TNKS: variants seen among roughly 807,000 people sequenced by gnomAD.
The protein encoded by TNKS is poly [ADP-ribose] polymerase tankyrase-1.
A neutral mutation model predicts 135.8 loss-of-function variants in TNKS; 72 were observed. The observed-to-expected ratio is 0.53, with a 90% CI of 0.44 to 0.64. The LOEUF (loss-of-function observed/expected upper bound fraction) is 0.64. Among genes scored for constraint, TNKS ranks in the 30% least tolerant of loss-of-function variants. The pLI, the probability that TNKS is intolerant of heterozygous loss-of-function variation, is 0.00. For synonymous variants in TNKS, 849 were observed against 649.3 expected (o/e 1.31, Z -4.68); for missense variants, 1,769 against 1,674.0 (o/e 1.06, Z -0.99).
In TNKS at chr8:9,778,340, ATGGG is replaced by A. The variant is rs1808319213; in HGVS notation, c.*1606_*1609del. 6.6e-6 allele frequency: 1 copy of A among 152,388 alleles called. No homozygotes were observed. The highest frequency in any genetic ancestry group is 1.5e-5 in the Non-Finnish European group (1 of 68,030). 9.4% of individuals were successfully genotyped at this position (152,388 alleles called of 1,614,324 possible). A position where few individuals can be genotyped will look rare whatever the true frequency, so the allele number is the denominator to read the frequency against. On this transcript the variant is annotated 3_prime_UTR_variant, in exon 27 of 27. Coordinates refer to ENST00000310430, the MANE Select transcript of TNKS (RefSeq NM_003747.3). ...ATTGCAATTCAAAGCCCTGAAAACG[ATGGG>A]TTTAATGCAAGGTGATTAAGCTGTG...
chr8:9,569,049 A>C (rs970817711), intron 1 of TNKS, among the ~76,000 whole-genome samples: 37 of 152,194 alleles, frequency 2.4e-4, no homozygotes, highest in African/African-American at 8.7e-4. Flanking sequence ...CATAATTGTT[A>C]ATATTGCCAC....
intron 2 of TNKS, among the ~76,000 whole-genome samples, chr8:9,612,864 A>T (rs1369012417): frequency 1.3e-5 from 2 of 152,198 alleles, no homozygotes; most frequent in Non-Finnish European, 2.9e-5. Flanking sequence ...TTTGTATGTT[A>T]TATGTATTAT....
At chr8:9,579,508 G>A (rs748260089) in intron 1 of TNKS, among the ~76,000 whole-genome samples, 2 of 151,908 alleles carry the variant, frequency 1.3e-5, no homozygotes, top group Non-Finnish European at 2.9e-5. Context: ...TCGCACTATT[G>A]CCCAGGCTGG....
chr8:9,594,120 C>A (rs888812241), intron 2 of TNKS, among the ~76,000 whole-genome samples: 1 of 152,168 alleles, frequency 6.6e-6, no homozygotes, highest in Non-Finnish European at 1.5e-5. Flanking sequence ...CTCCTGACCT[C>A]AGGCGGTCCA....
rs983598138 is a variant in TNKS at position 9,717,832 on chromosome 8, C to T, written c.1750-2542C>T. ...ATTGATTTATATTCAGAGGAATAAA[C>T]AGTTATTTCTGTTGGTGGTGGCAGC... On this transcript the variant is annotated intron_variant, in intron 11 of 26. Coordinates refer to ENST00000310430, the MANE Select transcript of TNKS (RefSeq NM_003747.3). Among the ~76,000 whole-genome samples the T allele has an allele frequency of 2.6e-5, 4 of 152,048 alleles. No homozygotes were observed. The East Asian group carries it at 7.7e-4, about 29-fold the overall frequency.
At chr8:9,663,182 C>G (rs1253955161) in intron 3 of TNKS, among the ~76,000 whole-genome samples, 2 of 152,182 alleles carry the variant, frequency 1.3e-5, no homozygotes, top group South Asian at 2.1e-4. Flanking sequence ...CCCTGCTCAT[C>G]CATTTTAGAC....
At chr8:9,732,436 C>A (rs978859536) in intron 14 of TNKS, among the ~76,000 whole-genome samples, 1 of 152,104 alleles carries the variant, frequency 6.6e-6, no homozygotes, top group African/African-American at 2.4e-5. Context: ...CGATTTAGGC[C>A]TCATCGAACC....
At chr8:9,655,011 G>C (rs1801297235) in intron 3 of TNKS, among the ~76,000 whole-genome samples, 1 of 152,224 alleles carries the variant, frequency 6.6e-6, no homozygotes, top group African/African-American at 2.4e-5. Flanking sequence ...AGAAAGGGGT[G>C]ACAGACGGCA....
At chr8:9,675,188 T>A (rs1220558781) in intron 3 of TNKS, among the ~76,000 whole-genome samples, 2 of 152,184 alleles carry the variant, frequency 1.3e-5, no homozygotes, top group African/African-American at 4.8e-5. Context: ...ACATAGCTGG[T>A]TTTTAATTTT....
At chr8:9,674,086 G>GT (rs929533701) in intron 3 of TNKS, among the ~76,000 whole-genome samples, 3 of 152,126 alleles carry the variant, frequency 2.0e-5, no homozygotes, top group Admixed American at 6.5e-5. Flanking sequence ...TTAGTAGAGT[G>GT]TTTTTTCTCA....
intron 3 of TNKS, among the ~76,000 whole-genome samples, chr8:9,660,162 G>A (rs1212319569): frequency 6.6e-6 from 1 of 152,170 alleles, no homozygotes; most frequent in Non-Finnish European, 1.5e-5. Context: ...AGAGGTACAA[G>A]GAGGAGCTGG....
chr8:9,716,975 C>G (rs1251298519), intron 11 of TNKS, among the ~76,000 whole-genome samples: 2 of 149,890 alleles, frequency 1.3e-5, no homozygotes, highest in Admixed American at 6.7e-5. Flanking sequence ...TTGGCACCCT[C>G]TAGTCTATAA....
chr8:9,720,224 A>G, intron 11 of TNKS, 150 bp from the exon 12 acceptor site: 1 of 676,516 alleles, frequency 1.5e-6, no homozygotes, highest in Non-Finnish European at 2.3e-6. Flanking sequence ...GTTCTTCAGA[A>G]TCAGTGAGCA....
At chr8:9,704,830 C>A in intron 6 of TNKS, 73 bp downstream of exon 6, 1 of 1,187,558 alleles carries the variant, frequency 8.4e-7, no homozygotes, top group Non-Finnish European at 1.2e-6. Flanking sequence ...AAACACTAGA[C>A]AAAGTCATAT....
At chr8:9,655,479 G>C (rs1232329915) in intron 3 of TNKS, among the ~76,000 whole-genome samples, 1 of 152,282 alleles carries the variant, frequency 6.6e-6, no homozygotes, top group South Asian at 2.1e-4. Context: ...TAGCCTAACT[G>C]GGAGGCACCC....
At position 9,761,625 on chromosome 8, in the gene TNKS, G is replaced by A. The variant is rs753415514; in HGVS notation, c.3263G>A (p.Gly1088Asp). ...ATCAAAGGAGTAGAAAGACTCTTAGGTGGACAACAAGGTAAGCTATTCAGA... is the reference window on the plus strand; with the variant it reads ...ATCAAAGGAGTAGAAAGACTCTTAGATGGACAACAAGGTAAGCTATTCAGA... ...KLIKGVERLL[G>D]GQQGTNPYLT... Residue 1088 changes from glycine to aspartate, a missense_variant, in exon 21 of 27, where the codon GGT becomes GAT. Coordinates refer to ENST00000310430, the MANE Select transcript of TNKS (RefSeq NM_003747.3). 1.3e-5 allele frequency: 20 copies of A among 1,592,024 alleles called. No homozygotes were observed. The highest frequency in any genetic ancestry group is 1.6e-5 in the Non-Finnish European group (19 of 1,174,566).
At chr8:9,574,613 C>T (rs551422393) in intron 1 of TNKS, among the ~76,000 whole-genome samples, 1 of 152,302 alleles carries the variant, frequency 6.6e-6, no homozygotes, top group Non-Finnish European at 1.5e-5. Flanking sequence ...AATCTTCTTA[C>T]CCTTGACTTA....
chr8:9,605,252 A>G (rs1217829860), intron 2 of TNKS, among the ~76,000 whole-genome samples: 2 of 152,094 alleles, frequency 1.3e-5, no homozygotes, highest in South Asian at 2.1e-4. Flanking sequence ...CCCTTCTAGA[A>G]ATATGTTCTT....
chr8:9,683,906 A>G (rs1274169603), intron 5 of TNKS, among the ~76,000 whole-genome samples: 1 of 151,984 alleles, frequency 6.6e-6, no homozygotes, highest in Non-Finnish European at 1.5e-5. Flanking sequence ...TATTTTACAC[A>G]TAAATCAAAA....
Sources: gnomAD v4.1 joint callset for allele counts (sites outside exome capture counted in the v4.1 genomes callset) on GRCh38, gnomAD v4.1.1 for gene constraint, MANE v1.5 for transcripts, NCBI Gene and HGNC (gene_info 2026-07-23, HGNC 2026-07-21) for gene names.